ESR1: variants seen among roughly 807,000 people sequenced by gnomAD.
The protein encoded by ESR1 is estrogen receptor 1.
In ESR1, 12 loss-of-function variants were observed where a neutral mutation model predicts 52.7. The observed-to-expected ratio is 0.23, with a 90% CI of 0.15 to 0.37. The LOEUF is 0.37. Among genes scored for constraint, ESR1 ranks in the 10% least tolerant of loss-of-function variants. The pLI is 1.00. For synonymous variants in ESR1, 305 were observed against 316.8 expected, an observed-to-expected ratio of 0.96 and a Z score of 0.39; for missense variants, 584 against 779.7, an observed-to-expected ratio of 0.75 and a Z score of 2.99.
chr6:151,947,675 A>G (rs1349386968), intron 4 of ESR1, among the ~76,000 whole-genome samples: 1 of 152,182 alleles, frequency 6.6e-6, no homozygotes, highest in African/African-American at 2.4e-5. Flanking sequence ...TTCTCTACTC[A>G]GAATTAAGAT....
chr6:151,754,824 C>T (rs1324130735), intron 2 of ESR1, among the ~76,000 whole-genome samples: 1 of 152,234 alleles, frequency 6.6e-6, no homozygotes. Flanking sequence ...ACCTATCACT[C>T]CCTTTCTCCT....
At chr6:151,831,507 T>C (rs1334719597) in intron 1 of ESR1, among the ~76,000 whole-genome samples, 1 of 152,128 alleles carries the variant, frequency 6.6e-6, no homozygotes, top group Non-Finnish European at 1.5e-5. Flanking sequence ...GGTAATGACT[T>C]TGTTTCCAGA....
intron 3 of ESR1, among the ~76,000 whole-genome samples, chr6:151,903,327 AG>A (rs1412846894): frequency 6.6e-6 from 1 of 152,006 alleles, no homozygotes; most frequent in Non-Finnish European, 1.5e-5. Flanking sequence ...CCAGGTACTG[AG>A]CTCTTTGTAC....
intron 3 of ESR1, 89 bp downstream of exon 3, chr6:151,880,860 T>G (rs1792785642): frequency 1.4e-6 from 1 of 733,212 alleles, no homozygotes. Context: ...CCATGGGAAT[T>G]TTGTGTTTTT....
intron 1 of ESR1, among the ~76,000 whole-genome samples, chr6:151,674,423 G>T (rs1387538062): frequency 6.6e-6 from 1 of 152,162 alleles, no homozygotes; most frequent in Non-Finnish European, 1.5e-5. Flanking sequence ...CCTTTATCCA[G>T]TCTATCATTG....
chr6:151,775,625 A>C (rs903306827), intron 2 of ESR1, among the ~76,000 whole-genome samples: 1 of 152,062 alleles, frequency 6.6e-6, no homozygotes, highest in Non-Finnish European at 1.5e-5. Flanking sequence ...GGGCGCCTGT[A>C]GTCCCAGCTA....
chr6:152,106,568 T>C (rs938337439), downstream of ESR1, among the ~76,000 whole-genome samples: 5 of 152,186 alleles, frequency 3.3e-5, no homozygotes, highest in African/African-American at 9.7e-5. Context: ...ATTGATGTTT[T>C]TGTTTCAGCA....
intron 1 of ESR1, among the ~76,000 whole-genome samples, chr6:151,664,660 C>T (rs1777757897): frequency 6.6e-6 from 1 of 152,170 alleles, no homozygotes; most frequent in Non-Finnish European, 1.5e-5. Flanking sequence ...TTTTCTCAGC[C>T]CAGAGTGCAC....
intron 5 of ESR1, among the ~76,000 whole-genome samples, chr6:152,013,657 T>G (rs924782775): frequency 6.6e-6 from 1 of 152,102 alleles, no homozygotes; most frequent in African/African-American, 2.4e-5. Context: ...GCCAGTGAGG[T>G]GATATGGCCT....
At chr6:151,667,095 G>C (rs944307906) in intron 1 of ESR1, among the ~76,000 whole-genome samples, 1 of 152,150 alleles carries the variant, frequency 6.6e-6, no homozygotes, top group African/African-American at 2.4e-5. Context: ...TAGATTTGCT[G>C]TCTGGCCCAG....
chr6:151,731,119 C>T (rs1436585113), intron 2 of ESR1, among the ~76,000 whole-genome samples: 2 of 151,908 alleles, frequency 1.3e-5, no homozygotes, highest in Non-Finnish European at 2.9e-5. Flanking sequence ...TTTGGGAGGC[C>T]GAGATGGGTG....
chr6:151,806,993 A>G (rs903925021), upstream of ESR1, among the ~76,000 whole-genome samples: 1 of 152,124 alleles, frequency 6.6e-6, no homozygotes, highest in African/African-American at 2.4e-5. Flanking sequence ...AGGCTGAGAG[A>G]ATCTCAGAAG....
At chr6:151,720,566 A>G (rs1267250022) in intron 2 of ESR1, among the ~76,000 whole-genome samples, 2 of 152,208 alleles carry the variant, frequency 1.3e-5, no homozygotes, top group Non-Finnish European at 2.9e-5. Flanking sequence ...GGAAATTTGT[A>G]TTAGAAAAAC....
At chr6:151,686,796 T>C (rs937615655), upstream of ESR1, among the ~76,000 whole-genome samples, 36 of 152,244 alleles carry the variant, frequency 2.4e-4, no homozygotes, top group East Asian at 7.0e-3. Context: ...ACTATTCTGA[T>C]GGGAAAGACC....
At chr6:152,063,737 ATC>A (rs1293224255) in intron 6 of ESR1, among the ~76,000 whole-genome samples, 1 of 152,170 alleles carries the variant, frequency 6.6e-6, no homozygotes, top group Non-Finnish European at 1.5e-5. Context: ...GACTCCAGGA[ATC>A]TCTGACAGAA....
At chr6:152,113,319 C>T (rs530997026) in intron 6 of ESR1, among the ~76,000 whole-genome samples, 2 of 152,314 alleles carry the variant, frequency 1.3e-5, no homozygotes, top group South Asian at 4.1e-4. Context: ...ACCATCAAGC[C>T]ACAGGTACCC....
chr6:151,660,115 A>G (rs772137573), intron 1 of ESR1, among the ~76,000 whole-genome samples: 1 of 152,216 alleles, frequency 6.6e-6, no homozygotes, highest in Non-Finnish European at 1.5e-5. Context: ...ACATGTGCTT[A>G]TCTGGCAGGA....
At chr6:151,697,915 A>G (rs1779479113) in intron 1 of ESR1, among the ~76,000 whole-genome samples, 1 of 152,144 alleles carries the variant, frequency 6.6e-6, no homozygotes, top group Non-Finnish European at 1.5e-5. Flanking sequence ...CCTGGCCAAC[A>G]TGGTGAAACC....
At chr6:151,784,019 T>C (rs1786789240) in intron 2 of ESR1, among the ~76,000 whole-genome samples, 1 of 152,244 alleles carries the variant, frequency 6.6e-6, no homozygotes. Flanking sequence ...TTACATCATA[T>C]CAAGCATATA....
Sources: gnomAD v4.1 joint callset for allele counts (sites outside exome capture counted in the v4.1 genomes callset) on GRCh38, gnomAD v4.1.1 for gene constraint, MANE v1.5 for transcripts, NCBI Gene and HGNC (gene_info 2026-07-23, HGNC 2026-07-21) for gene names.